Variants in CHODL observed in about 807,000 individuals in gnomAD.
The protein encoded by CHODL is chondrolectin, also known as transmembrane protein MT75.
CHODL carries 29 observed loss-of-function variants against 34.5 expected under a neutral mutation model. That is an observed-to-expected ratio of 0.84 (90% CI 0.63 to 1.15). The LOEUF (loss-of-function observed/expected upper bound fraction) is 1.15. Ranked by LOEUF, CHODL falls within the 50% of genes most tolerant of loss-of-function variation. The pLI is 0.00. For synonymous variants in CHODL, 125 were observed against 116.1 expected (o/e 1.08, Z -0.49); for missense variants, 332 against 332.5 (o/e 1.00, Z 0.01).
chr21:18,168,149 G>A (rs2073181094), intron 2 of CHODL, among the ~76,000 whole-genome samples: 1 of 152,178 alleles, frequency 6.6e-6, no homozygotes, highest in Non-Finnish European at 1.5e-5. Flanking sequence ...ACCGCAAACT[G>A]AAGGCTGCCC....
intron 1 of CHODL, among the ~76,000 whole-genome samples, chr21:17,982,075 A>G (rs1221976302): frequency 6.6e-6 from 1 of 152,248 alleles, no homozygotes; most frequent in Non-Finnish European, 1.5e-5. Flanking sequence ...TTTTAGAAAG[A>G]CTTTCCAGTA....
rs78034678 is a variant in CHODL, at chr21:18,198,119, T to C, written c.-44-58390T>C. On this transcript the variant is annotated intron_variant, in intron 2 of 6. Transcript: ENST00000400127. ...AATAGCACAGACAATTGAAAGCACA[T>C]AGATTCCTTTAGCATCTACAGTTTT... Among the ~76,000 whole-genome samples the C allele has an allele frequency of 9.0e-3, 1,368 of 152,310 alleles. 21 individuals carry two copies. The highest frequency in any genetic ancestry group is 0.031 in the African/African-American group (1,282 of 41,580).
intron 2 of CHODL, among the ~76,000 whole-genome samples, chr21:18,102,702 G>T (rs892683413): frequency 2.0e-5 from 3 of 152,100 alleles, no homozygotes; most frequent in African/African-American, 7.2e-5. Context: ...ATAAATCAAA[G>T]TTTTTAGGCA....
chr21:17,951,136 G>GTGTGTA (rs988613235), intron 1 of CHODL, among the ~76,000 whole-genome samples: 1 of 143,456 alleles, frequency 7.0e-6, no homozygotes, highest in African/African-American at 2.6e-5. Flanking sequence ...GTGTGTGTGT[G>GTGTGTA]TGTACAAATC....
chr21:18,132,548 G>T (rs2072669764), intron 2 of CHODL, among the ~76,000 whole-genome samples: 1 of 152,046 alleles, frequency 6.6e-6, no homozygotes, highest in African/African-American at 2.4e-5. Flanking sequence ...CGTATGCCAG[G>T]AACAAGTTTC....
At chr21:18,190,846 A>G (rs2073502575) in intron 2 of CHODL, among the ~76,000 whole-genome samples, 1 of 152,178 alleles carries the variant, frequency 6.6e-6, no homozygotes, top group African/African-American at 2.4e-5. Context: ...TTGTAATATG[A>G]TGGTGAAATC....
intron 1 of CHODL, among the ~76,000 whole-genome samples, chr21:17,959,459 G>A (rs546876595): frequency 5.3e-5 from 8 of 152,094 alleles, no homozygotes; most frequent in Non-Finnish European, 8.8e-5. Flanking sequence ...GAAAAGATCT[G>A]GAAATTCTAT....
chr21:18,228,390 A>AT (rs1184272693), intron 2 of CHODL, among the ~76,000 whole-genome samples: 1 of 152,148 alleles, frequency 6.6e-6, no homozygotes, highest in East Asian at 1.9e-4. Context: ...AAGTGACAAA[A>AT]TGGTGAATAA....
chr21:18,229,387 T>A (rs2073959063), intron 2 of CHODL, among the ~76,000 whole-genome samples: 1 of 152,098 alleles, frequency 6.6e-6, no homozygotes, highest in Admixed American at 6.6e-5. Context: ...AGGCCCTGAG[T>A]GCATTAGGTG....
intron 1 of CHODL, among the ~76,000 whole-genome samples, chr21:18,248,658 TATATATGTATAATAC>T (rs1285498111): frequency 1.9e-4 from 19 of 101,598 alleles, no homozygotes; most frequent in African/African-American, 6.2e-4. Context: ...ATTATATACA[TATATATGTATAATAC>T]ATATATGTAT....
At chr21:18,005,998 G>A (rs1252958761) in intron 1 of CHODL, among the ~76,000 whole-genome samples, 1 of 152,152 alleles carries the variant, frequency 6.6e-6, no homozygotes, top group Non-Finnish European at 1.5e-5. Context: ...GGTCTTTCCT[G>A]TGCTGTTCTC....
chr21:18,150,444 A>G (rs1033366267), intron 2 of CHODL, among the ~76,000 whole-genome samples: 19 of 152,250 alleles, frequency 1.2e-4, no homozygotes, highest in Middle Eastern at 3.4e-3. Flanking sequence ...TTAGAATTTC[A>G]TTTTTGGTTT....
chr21:18,185,956 C>G (rs892862114), intron 2 of CHODL, among the ~76,000 whole-genome samples: 1 of 152,070 alleles, frequency 6.6e-6, no homozygotes. Flanking sequence ...CTAATACCAT[C>G]GCCTTAGTGA....
At chr21:17,932,724 G>A (rs1226149474) in intron 1 of CHODL, among the ~76,000 whole-genome samples, 1 of 152,174 alleles carries the variant, frequency 6.6e-6, no homozygotes, top group African/African-American at 2.4e-5. Flanking sequence ...AATACTGAAG[G>A]GGTGCGTTGC....
At chr21:18,136,381 G>A (rs1214413231) in intron 2 of CHODL, among the ~76,000 whole-genome samples, 1 of 151,974 alleles carries the variant, frequency 6.6e-6, no homozygotes, top group Non-Finnish European at 1.5e-5. Context: ...CGATAAAGTT[G>A]ACTTAGACAG....
At chr21:17,965,941 A>C (rs892876399) in intron 1 of CHODL, among the ~76,000 whole-genome samples, 11 of 143,608 alleles carry the variant, frequency 7.7e-5, no homozygotes, top group Non-Finnish European at 1.7e-4. Flanking sequence ...CAGGGGACTT[A>C]TTTTGGCAAT....
chr21:18,216,043 A>G (rs940270297), intron 2 of CHODL, among the ~76,000 whole-genome samples: 2 of 152,164 alleles, frequency 1.3e-5, no homozygotes, highest in Non-Finnish European at 2.9e-5. Flanking sequence ...GATATGCAAA[A>G]TATACATTTA....
At chr21:18,102,856 C>T (rs1183449286) in intron 2 of CHODL, among the ~76,000 whole-genome samples, 2 of 152,122 alleles carry the variant, frequency 1.3e-5, no homozygotes, top group Non-Finnish European at 2.9e-5. Context: ...TGCTATAAAA[C>T]TTAAAGTAAG....
chr21:17,974,559 C>T (rs1403700015), intron 1 of CHODL, among the ~76,000 whole-genome samples: 2 of 152,114 alleles, frequency 1.3e-5, no homozygotes, highest in East Asian at 1.9e-4. Flanking sequence ...CGTGAACCAC[C>T]ATGCCCTGCC....
Sources: allele counts gnomAD v4.1 joint callset (sites outside exome capture counted in the v4.1 genomes callset), GRCh38; gene constraint gnomAD v4.1.1; transcripts MANE v1.5; gene names NCBI Gene and HGNC (gene_info 2026-07-23, HGNC 2026-07-21).